The following ZC3H12B variants were observed in gnomAD, a reference collection of about 807,000 sequenced individuals.
The protein encoded by ZC3H12B is probable ribonuclease ZC3H12B.
A neutral mutation model predicts 43.9 loss-of-function variants in ZC3H12B; 7 were observed. The ratio of observed to expected loss-of-function variants is 0.16; its 90% confidence interval spans 0.09 to 0.30. ZC3H12B has a LOEUF of 0.30. Ranked by LOEUF, ZC3H12B falls within the 10% of genes least tolerant of loss-of-function variation. The pLI is 1.00. For synonymous variants in ZC3H12B, 222 were observed against 241.7 expected, an observed-to-expected ratio of 0.92 and a Z score of 0.76; for missense variants, 475 against 670.2, an observed-to-expected ratio of 0.71 and a Z score of 3.22.
At chrX:65,370,017 C>T (rs1225625483) in intron 2 of ZC3H12B, among the ~76,000 whole-genome samples, 3 of 110,805 alleles carry the variant, frequency 2.7e-5, no homozygotes, top group African/African-American at 6.6e-5. Flanking sequence ...GAGGCCTAAG[C>T]GAGAGGATCA....
At chrX:65,448,875 G>A (rs2067419036) in intron 3 of ZC3H12B, among the ~76,000 whole-genome samples, 1 of 95,837 alleles carries the variant, frequency 1.0e-5, no homozygotes, top group Non-Finnish European at 2.0e-5. Context: ...AAGGGAGGGA[G>A]GGAAATAAAT....
the ZC3H12B span, among the ~76,000 whole-genome samples, chrX:65,036,611 T>C: frequency 9.0e-6 from 1 of 111,417 alleles, no homozygotes; most frequent in African/African-American, 3.3e-5. Flanking sequence ...AAGCACAATA[T>C]AATTCTAGTA....
At chrX:65,244,755 A>T in the ZC3H12B span, among the ~76,000 whole-genome samples, 1 of 108,505 alleles carries the variant, frequency 9.2e-6, no homozygotes, top group Non-Finnish European at 1.9e-5. Context: ...AAAAAAAGAA[A>T]ACGCAAATTG....
the ZC3H12B span, among the ~76,000 whole-genome samples, chrX:65,070,131 T>A: frequency 1.8e-5 from 2 of 109,609 alleles, no homozygotes; most frequent in African/African-American, 6.6e-5. Flanking sequence ...TCGTTATTGG[T>A]CTTTCAGAGA....
the ZC3H12B span, among the ~76,000 whole-genome samples, chrX:65,213,879 T>TAA: frequency 6.3e-4 from 64 of 101,954 alleles, no homozygotes; most frequent in African/African-American, 2.4e-3. Context: ...GAAGGCAACG[T>TAA]AAAAAAAAAA....
the ZC3H12B span, among the ~76,000 whole-genome samples, chrX:65,227,488 C>G: frequency 1.0e-4 from 11 of 109,948 alleles, no homozygotes; most frequent in Admixed American, 9.7e-4. Flanking sequence ...AAAGCAAGAG[C>G]AAACACATTC....
At chrX:65,409,713 A>T (rs1415748061) in intron 3 of ZC3H12B, among the ~76,000 whole-genome samples, 3 of 111,144 alleles carry the variant, frequency 2.7e-5, no homozygotes, top group Non-Finnish European at 5.7e-5. Flanking sequence ...TTAAAAAGTA[A>T]TCCCATTTAC....
At chrX:65,366,580 C>T (rs1373573837), upstream of ZC3H12B, 1 of 111,810 alleles carries the variant, frequency 8.9e-6, no homozygotes, top group Non-Finnish European at 1.9e-5. Context: ...AGATTTAACT[C>T]CGAGGGGTTT....
chrX:65,335,116 C>T, the ZC3H12B span, among the ~76,000 whole-genome samples: 1 of 111,688 alleles, frequency 9.0e-6, no homozygotes, highest in Non-Finnish European at 1.9e-5. Flanking sequence ...TTTCTGATAC[C>T]CCCAAAGTAT....
the ZC3H12B span, among the ~76,000 whole-genome samples, chrX:65,220,583 C>T: frequency 9.0e-6 from 1 of 111,624 alleles, no homozygotes; most frequent in African/African-American, 3.2e-5. Flanking sequence ...TTTTAAGCAA[C>T]AGCAGATAAA....
At chrX:65,329,421 T>C in the ZC3H12B span, among the ~76,000 whole-genome samples, 1 of 106,918 alleles carries the variant, frequency 9.4e-6, no homozygotes, top group East Asian at 2.8e-4. Context: ...GTAAATGTGT[T>C]TGAGTTCATT....
chrX:65,458,084 T>TAAAAAAAAAA (rs2067659998), intron 3 of ZC3H12B, among the ~76,000 whole-genome samples: 2 of 48,985 alleles, frequency 4.1e-5, no homozygotes, highest in Non-Finnish European at 3.6e-5. Flanking sequence ...AAAAAAAAAA[T>TAAAAAAAAAA]TAAAAAAAAA....
chrX:65,352,308 G>T, the ZC3H12B span, among the ~76,000 whole-genome samples: 1 of 111,146 alleles, frequency 9.0e-6, no homozygotes, highest in Non-Finnish European at 1.9e-5. Context: ...ACACACCAGG[G>T]CCTGTCCCGG....
chrX:65,158,180 C>A, the ZC3H12B span, among the ~76,000 whole-genome samples: 1 of 109,323 alleles, frequency 9.1e-6, no homozygotes, highest in Non-Finnish European at 1.9e-5. Context: ...CATTGTTGGA[C>A]ATTTCGGTTG....
upstream of ZC3H12B, among the ~76,000 whole-genome samples, chrX:65,365,407 G>A (rs1262394661): frequency 2.7e-5 from 3 of 110,579 alleles, no homozygotes; most frequent in East Asian, 2.9e-4. Context: ...ATACAAAACC[G>A]CATCCAGGCT....
chrX:65,279,690 G>T, the ZC3H12B span, among the ~76,000 whole-genome samples: 3 of 112,118 alleles, frequency 2.7e-5, no homozygotes, highest in African/African-American at 9.7e-5. Context: ...GACACTGAAA[G>T]CAATTGCAAC....
chrX:65,278,757 G>A, the ZC3H12B span, among the ~76,000 whole-genome samples: 4 of 110,188 alleles, frequency 3.6e-5, no homozygotes, highest in Non-Finnish European at 5.7e-5. Flanking sequence ...CAGGTATTAA[G>A]CCCAGTACTC....
the ZC3H12B span, among the ~76,000 whole-genome samples, chrX:65,279,467 G>T: frequency 1.8e-5 from 2 of 110,824 alleles, no homozygotes; most frequent in South Asian, 7.7e-4. Context: ...CAAGCAATTG[G>T]GAAAAGACTC....
the ZC3H12B span, among the ~76,000 whole-genome samples, chrX:65,315,027 A>G: frequency 1.8e-5 from 2 of 111,464 alleles, no homozygotes; most frequent in African/African-American, 6.5e-5. Context: ...TTGAAATTGA[A>G]TACTAAAAAT....
Sources: allele counts gnomAD v4.1 joint callset (sites outside exome capture counted in the v4.1 genomes callset), GRCh38; gene constraint gnomAD v4.1.1; transcripts MANE v1.5; gene names NCBI Gene and HGNC (gene_info 2026-07-23, HGNC 2026-07-21).